Variants in SLC35E4 observed in about 807,000 individuals in gnomAD.
The protein encoded by SLC35E4 is solute carrier family 35 member E4, also known as solute carrier family 35, member E4.
A neutral mutation model predicts 19.3 loss-of-function variants in SLC35E4; 15 were observed. The ratio of observed to expected loss-of-function variants is 0.78; its 90% confidence interval spans 0.52 to 1.20. The LOEUF (loss-of-function observed/expected upper bound fraction) is 1.20. Ranked by LOEUF, SLC35E4 falls within the 50% of genes most tolerant of loss-of-function variation. SLC35E4 has a pLI of 0.00. For missense variants in SLC35E4, 406 were observed against 472.3 expected, an observed-to-expected ratio of 0.86 and a Z score of 1.30; for synonymous variants, 219 against 219.9, an observed-to-expected ratio of 1.00 and a Z score of 0.04.
chr22:30,636,964 C>G lies in SLC35E4; in HGVS notation c.514C>G (p.Leu172Val), dbSNP rs1243528473. The G allele has an allele frequency of 1.2e-6, 2 of 1,611,870 alleles. No individual in the cohort carries two copies. Among genetic ancestry groups the G allele is most frequent in the Non-Finnish European group, 1.7e-6 (2 of 1,179,052 alleles). ...GTTGGCCGCCATGGGTCCGCTCTGCCTGGGGGCCGCCTGCAGCCTGGCTGG... is the reference window on the plus strand; with the variant it reads ...GTTGGCCGCCATGGGTCCGCTCTGCGTGGGGGCCGCCTGCAGCCTGGCTGG... ...LQLAAMGPLC[L>V]GAACSLAGEF... Residue 172 changes from leucine (L) to valine (V), a missense_variant, in exon 1 of 2, where the codon CTG (leucine) becomes GTG (valine). By Grantham distance (32) the Leu-to-Val change is conservative (BLOSUM62 1). Coordinates refer to ENST00000343605, the MANE Select transcript of SLC35E4 (RefSeq NM_001001479.4).
Position 30,655,302 on chromosome 22 carries a change from A to G in SLC35E4, c.*8+6049A>G, listed in dbSNP as rs1602090585. Among the ~76,000 whole-genome samples the G allele has an allele frequency of 2.0e-5, 3 of 151,380 alleles. No individual in the cohort carries two copies. In the South Asian group the frequency reaches 6.3e-4, roughly 32 times the overall value. ...AAAACCCTGTCTCTACGGAAAAAAA[A>G]AAAAAATAGCCAAGTATGGTGGTGC... On this transcript the variant is annotated intron_variant, in intron 2 of 2. Transcript: ENST00000406566.
intron 2 of SLC35E4, among the ~76,000 whole-genome samples, chr22:30,655,648 A>G (rs1194537342): frequency 6.6e-6 from 1 of 152,122 alleles, no homozygotes; most frequent in Non-Finnish European, 1.5e-5. Context: ...ATCTGGTTTC[A>G]GCATAAACAT....
downstream of SLC35E4, among the ~76,000 whole-genome samples, chr22:30,664,300 A>G (rs1302352919): frequency 6.6e-6 from 1 of 152,204 alleles, no homozygotes. Context: ...CTGCATTTTC[A>G]GCATGCTTCT....
chr22:30,648,077 A>G (rs1424956792), downstream of SLC35E4, among the ~76,000 whole-genome samples: 1 of 151,988 alleles, frequency 6.6e-6, no homozygotes, highest in Non-Finnish European at 1.5e-5. Context: ...GGACAGTGGC[A>G]GTGGCCTCCC....
At chr22:30,648,367 C>G (rs2088166275), downstream of SLC35E4, among the ~76,000 whole-genome samples, 1 of 152,148 alleles carries the variant, frequency 6.6e-6, no homozygotes, top group Non-Finnish European at 1.5e-5. Context: ...TTCCCTCCGT[C>G]CAGTCCCCGC....
At chr22:30,663,254 G>T in exon 3 of SLC35E4, 2 of 657,076 alleles carry the variant, frequency 3.0e-6, no homozygotes, top group Non-Finnish European at 2.5e-6. Flanking sequence ...CTCACAATTA[G>T]TTTAATCTTA....
chr22:30,657,772 CG>C (rs2088371220), intron 2 of SLC35E4, among the ~76,000 whole-genome samples: 1 of 151,292 alleles, frequency 6.6e-6, no homozygotes, highest in Non-Finnish European at 1.5e-5. Flanking sequence ...GGTGTGGTGG[CG>C]GGCACCTGTA....
At chr22:30,640,651 A>T (rs1255807609) in intron 1 of SLC35E4, among the ~76,000 whole-genome samples, 1 of 152,106 alleles carries the variant, frequency 6.6e-6, no homozygotes. Flanking sequence ...GACATAGGGG[A>T]GGCCAGGGTG....
chr22:30,637,986 G>A (rs2087977271), intron 1 of SLC35E4, among the ~76,000 whole-genome samples: 1 of 152,192 alleles, frequency 6.6e-6, no homozygotes, highest in African/African-American at 2.4e-5. Context: ...GACAGGCTTG[G>A]TGCTGAGTGT....
Position 30,646,735 on chromosome 22 carries a change from C to CG in SLC35E4, c.758dup (p.Leu254ProfsTer16). On this transcript the variant is annotated frameshift_variant, in exon 2 of 2. Coordinates refer to ENST00000343605, the MANE Select transcript of SLC35E4 (RefSeq NM_001001479.4). LOFTEE classifies it high-confidence loss of function. ...CCCACCGCCCACTGCTGGCGACTCTCGCCTCTGGGCCTGCATCCTGCTCAG... is the reference window on the plus strand; with the variant it reads ...CCCACCGCCCACTGCTGGCGACTCTCGGCCTCTGGGCCTGCATCCTGCTCAG... The CG allele has an allele frequency of 6.2e-7, 1 of 1,613,412 alleles. No individual in the cohort carries two copies. The highest frequency in any genetic ancestry group is 1.1e-5 in the South Asian group (1 of 91,056).
At chr22:30,664,225 A>G, downstream of SLC35E4, 1 of 566,754 alleles carries the variant, frequency 1.8e-6, no homozygotes, top group South Asian at 2.2e-5. Context: ...AAACTCATTT[A>G]AAGTACAGAT....
At chr22:30,650,041 C>T (rs2088184027), downstream of SLC35E4, among the ~76,000 whole-genome samples, 1 of 149,434 alleles carries the variant, frequency 6.7e-6, no homozygotes, top group African/African-American at 2.5e-5. Flanking sequence ...AGTCAAAAAG[C>T]TTGGGTTTGG....
intron 2 of SLC35E4, among the ~76,000 whole-genome samples, chr22:30,657,082 G>A (rs923097637): frequency 5.3e-5 from 8 of 152,158 alleles, no homozygotes; most frequent in African/African-American, 1.7e-4. Context: ...TGGTTACAAC[G>A]ATGGGGATAT....
chr22:30,636,385 A>G lies in SLC35E4; in HGVS notation c.-66A>G. 2 of 1,435,346 alleles carry G rather than the reference A, an allele frequency of 1.4e-6. No individual in the cohort carries two copies. Among genetic ancestry groups the G allele is most frequent in the Non-Finnish European group, 1.8e-6 (2 of 1,095,634 alleles). 88.9% of individuals were successfully genotyped at this position (1,435,346 alleles called of 1,614,324 possible). Reference sequence around the variant, plus strand: ...CAGGATCTAGCCTGGCCCCAAGCGGAACTCTCTGGTGGCCCAGAGGTCGTC... The same window carrying G: ...CAGGATCTAGCCTGGCCCCAAGCGGGACTCTCTGGTGGCCCAGAGGTCGTC... On this transcript the variant is annotated 5_prime_UTR_variant, in exon 1 of 2. Coordinates refer to ENST00000343605, the MANE Select transcript of SLC35E4 (RefSeq NM_001001479.4).
chr22:30,641,636 C>T (rs1461238950), intron 1 of SLC35E4, among the ~76,000 whole-genome samples: 2 of 151,654 alleles, frequency 1.3e-5, no homozygotes, highest in African/African-American at 4.8e-5. Context: ...ACCTCTGCCT[C>T]CTGGTTTCAA....
rs1447874412 is a variant in SLC35E4, at chr22:30,636,516, T to G, written c.66T>G (p.Ala22=). 1 of 1,547,864 alleles carries G rather than the reference T, an allele frequency of 6.5e-7. No individual in the cohort carries two copies. The highest frequency in any genetic ancestry group is 8.7e-7 in the Non-Finnish European group (1 of 1,144,744). The change falls in exon 1 of 2, where the codon GCT becomes GCG. Residue 22 remains alanine (A), a synonymous_variant. Coordinates refer to ENST00000343605, the MANE Select transcript of SLC35E4 (RefSeq NM_001001479.4). ...CCTCAGCCGAAGTAGGAGCAGCAGC[T>G]GGTGGTGCTCAGGCGGCTGGGCCCC... is the stretch of plus-strand genomic sequence containing the variant. ...RMTSAEVGAA[A]GGAQAAGPPE...
Position 30,646,779 on chromosome 22 carries a change from C to G in SLC35E4, c.801C>G (p.Leu267=). 6.2e-7 allele frequency: 1 copy of G among 1,614,190 alleles called. No homozygotes were observed. Among genetic ancestry groups the G allele is most frequent in the Non-Finnish European group, 8.5e-7 (1 of 1,180,052 alleles). Residue 267 remains leucine (L), a synonymous_variant, in exon 2 of 2, where the codon CTC becomes CTG. Transcript: ENST00000343605. ...TGCTCAGCTGCCTCCTGTCTGTTCTCTATAACCTGGCCAGCTTCTCCCTGC... is the reference window on the plus strand; with the variant it reads ...TGCTCAGCTGCCTCCTGTCTGTTCTGTATAACCTGGCCAGCTTCTCCCTGC... ...CILLSCLLSV[L]YNLASFSLLA... is the part of the protein sequence containing the mutation.
chr22:30,650,692 G>A (rs748359317), downstream of SLC35E4, among the ~76,000 whole-genome samples: 2 of 152,058 alleles, frequency 1.3e-5, no homozygotes, highest in East Asian at 1.9e-4. Context: ...GCCTAGGAAG[G>A]CCTCAGTCTT....
chr22:30,648,877 G>A (rs1027467742), downstream of SLC35E4, among the ~76,000 whole-genome samples: 3 of 152,138 alleles, frequency 2.0e-5, no homozygotes, highest in African/African-American at 4.8e-5. Flanking sequence ...GTCTTGACAA[G>A]GGACTGTGCT....
Sources: gnomAD v4.1 joint callset for allele counts (sites outside exome capture counted in the v4.1 genomes callset) on GRCh38, gnomAD v4.1.1 for gene constraint, MANE v1.5 for transcripts, NCBI Gene and HGNC (gene_info 2026-07-23, HGNC 2026-07-21) for gene names.